The following TMEM63B variants were observed in gnomAD, a reference collection of about 807,000 sequenced individuals.
The protein encoded by TMEM63B is mechanosensitive cation channel TMEM63B.
In TMEM63B, 23 loss-of-function variants were observed where a neutral mutation model predicts 102.6. The observed-to-expected ratio is 0.22, with a 90% CI of 0.16 to 0.32. TMEM63B has a LOEUF of 0.32. Ranked by LOEUF, TMEM63B falls within the 10% of genes least tolerant of loss-of-function variation. The pLI is 1.00. For synonymous variants in TMEM63B, 444 were observed against 437.0 expected, an observed-to-expected ratio of 1.02 and a Z score of -0.20; for missense variants, 628 against 1,095.9, an observed-to-expected ratio of 0.57 and a Z score of 6.03.
chr6:44,127,451 A>G (rs916289775), upstream of TMEM63B: 1 of 151,404 alleles, frequency 6.6e-6, no homozygotes, highest in South Asian at 2.1e-4. Context: ...AGCCCGGCGG[A>G]CGCGATCTGA....
chr6:44,135,837 G>A (rs1365658516), intron 4 of TMEM63B, among the ~76,000 whole-genome samples: 1 of 152,208 alleles, frequency 6.6e-6, no homozygotes, highest in African/African-American at 2.4e-5. Flanking sequence ...TGTCATCTCT[G>A]TCTATAGGAT....
At chr6:44,135,180 T>C in intron 3 of TMEM63B, 84 bp downstream of exon 3, 1 of 1,583,376 alleles carries the variant, frequency 6.3e-7, no homozygotes, top group Non-Finnish European at 8.7e-7. Flanking sequence ...GCCAGCCCTC[T>C]CTCATTCCCC....
chr6:44,140,390 C>A, intron 9 of TMEM63B, 30 bp downstream of exon 9: 1 of 1,565,050 alleles, frequency 6.4e-7, no homozygotes. Flanking sequence ...GGTCCTGCCC[C>A]ATCCCCAGCC....
chr6:44,147,537 G>A (rs1259531820), intron 12 of TMEM63B, 37 bp downstream of exon 12: 1 of 1,609,668 alleles, frequency 6.2e-7, no homozygotes, highest in East Asian at 2.2e-5. Flanking sequence ...GGGAGAAGTT[G>A]GACAGGTCCT....
At chr6:44,139,422 C>T in intron 6 of TMEM63B, 45 bp from the exon 7 acceptor site, 1 of 1,605,394 alleles carries the variant, frequency 6.2e-7, no homozygotes, top group African/African-American at 1.3e-5. Context: ...CCCCTTCTTG[C>T]CCTGGTCCTA....
chr6:44,138,530 T>C lies in TMEM63B; in HGVS notation c.407+13T>C, dbSNP rs1763468280. On this transcript the variant is annotated intron_variant, in intron 6 of 23. Transcript: ENST00000323267. ...TCTTCAGGATAAAGTAAGTGGACCA[T>C]CTTCAAGCTCTAAAGAAAGAGAGAA... 4.3e-6 allele frequency: 7 copies of C among 1,613,966 alleles called. No homozygotes were observed. Among genetic ancestry groups the C allele is most frequent in the Middle Eastern group, 1.7e-4 (1 of 6,060 alleles).
At chr6:44,141,744 A>G (rs1402512193) in intron 10 of TMEM63B, among the ~76,000 whole-genome samples, 3 of 152,110 alleles carry the variant, frequency 2.0e-5, no homozygotes, top group Non-Finnish European at 2.9e-5. Flanking sequence ...GATTAGGGCT[A>G]CTCTCACACA....
chr6:44,146,028 C>T (rs1435821291), intron 10 of TMEM63B, among the ~76,000 whole-genome samples: 3 of 152,088 alleles, frequency 2.0e-5, no homozygotes, highest in Non-Finnish European at 4.4e-5. Context: ...TCAGTCTCAC[C>T]CTGGTCAGGG....
rs140864924 is a variant in TMEM63B at position 44,154,818 on chromosome 6, G to A, written c.2434G>A (p.Ala812Thr). 164 of 1,610,220 alleles carry A rather than the reference G, an allele frequency of 1.0e-4. No homozygotes were observed. The highest frequency in any genetic ancestry group is 1.3e-4 in the Non-Finnish European group (157 of 1,178,994). Residue 812 changes from alanine to threonine, a missense_variant, in exon 24 of 24, where the codon GCC (alanine) becomes ACC (threonine). By Grantham distance (58) the Ala-to-Thr change is moderately conservative (BLOSUM62 0). Transcript: ENST00000323267. Reference sequence around the variant, plus strand: ...TGAGGAGTTGCTGATGCCACCCGACGCCCTCACGGACACAGACTTCCAGTC... The same window carrying A: ...TGAGGAGTTGCTGATGCCACCCGACACCCTCACGGACACAGACTTCCAGTC... Reference protein sequence around the residue: ...QDEELLMPPDALTDTDFQSCE... With the variant: ...QDEELLMPPDTLTDTDFQSCE...
Position 44,151,939 on chromosome 6 carries a change from A to G in TMEM63B, c.1767A>G (p.Pro589=), listed in dbSNP as rs3734697. The G allele has an allele frequency of 0.11, 178,887 of 1,613,186 alleles. 11,021 individuals carry two copies. The highest frequency in any genetic ancestry group is 0.26 in the East Asian group (11,442 of 44,828). The change falls in exon 19 of 24, where the codon CCA becomes CCG. Residue 589 remains proline, a synonymous_variant. Transcript: ENST00000323267. ...ACGCCATGGACCTGCTGCGCATCCC[A>G]GGCCTGCTCATGTACATGATCCGGC... ...IGNAMDLLRI[P]GLLMYMIRLC...
At chr6:44,136,969 C>T (rs527456282) in intron 5 of TMEM63B, among the ~76,000 whole-genome samples, 6 of 152,326 alleles carry the variant, frequency 3.9e-5, no homozygotes, top group Non-Finnish European at 7.3e-5. Flanking sequence ...GGCGTGAACG[C>T]GGGAGGCGGA....
In TMEM63B at chr6:44,135,360, A is replaced by G. The variant is rs771736691; in HGVS notation, c.272A>G (p.Gln91Arg). 1 of 1,612,478 alleles carries G rather than the reference A, an allele frequency of 6.2e-7. No individual in the cohort carries two copies. Among genetic ancestry groups the G allele is most frequent in the East Asian group, 2.2e-5 (1 of 44,850 alleles). Residue 91 changes from glutamine (Q) to arginine (R), a missense_variant, in exon 4 of 24, where the codon CAG becomes CGG. Gln to Arg is a conservative substitution (Grantham distance 43). This residue lies in a region of TMEM63B where 336 missense variants were observed against 580.3 expected (regional missense o/e 0.58). Transcript: ENST00000323267. ...CGGCAGGAGAGGGACCGAGTGGAAC[A>G]GGAATAGTATGTGGGGCACCAGCCC... ...LRRQERDRVE[Q>R]EYVASAMHGD...
chr6:44,148,504 TC>T lies in TMEM63B; in HGVS notation c.1122-8del. ...GTGGGCCTGTGGTAACCAGTGCCCA[TC>T]TTTCTAGCATCCTGAAGGACTTCAA... is the stretch of plus-strand genomic sequence containing the variant. On this transcript the variant is annotated splice_region_variant and splice_polypyrimidine_tract_variant and intron_variant, in intron 13 of 23. Transcript: ENST00000323267. The surrounding 1 kb of genome is among the most constrained non-coding windows in gnomAD (Gnocchi z 5.1). 1 of 1,613,844 alleles carries T rather than the reference TC, an allele frequency of 6.2e-7. No individual in the cohort carries two copies. Among genetic ancestry groups the T allele is most frequent in the East Asian group, 2.2e-5 (1 of 44,876 alleles).
chr6:44,152,317 T>A lies in TMEM63B; in HGVS notation c.1837-276T>A, dbSNP rs1766865245. Among the ~76,000 whole-genome samples, 1 of 151,960 alleles carries A rather than the reference T, an allele frequency of 6.6e-6. No individual in the cohort carries two copies. The highest frequency in any genetic ancestry group is 2.4e-5 in the African/African-American group (1 of 41,432). ...AATAAGAGGGCTCTGGGCATCCCAC[T>A]CTCAAGTCCACCCAACTCTTGCCCC... On this transcript the variant is annotated intron_variant, in intron 19 of 23. Transcript: ENST00000323267. This position sits in a 1 kb window ranked among gnomAD's most constrained non-coding sequence, Gnocchi z 6.4.
Position 44,135,379 on chromosome 6 carries a change from C to T in TMEM63B, c.278+13C>T, listed in dbSNP as rs1762732601. 1 of 1,607,750 alleles carries T rather than the reference C, an allele frequency of 6.2e-7. No homozygotes were observed. Among genetic ancestry groups the T allele is most frequent in the Admixed American group, 1.7e-5 (1 of 59,604 alleles). On this transcript the variant is annotated intron_variant, in intron 4 of 23. Transcript: ENST00000323267. ...TGGAACAGGAATAGTATGTGGGGCA[C>T]CAGCCCCCTCATTCCCACTAAACCA...
rs374498822 is a variant in TMEM63B at position 44,139,730 on chromosome 6, G to A, written c.573G>A (p.Gly191=). The A allele has an allele frequency of 1.5e-5, 25 of 1,614,054 alleles. No individual in the cohort carries two copies. The highest frequency in any genetic ancestry group is 2.0e-5 in the Non-Finnish European group (24 of 1,180,052). ...CAGAGAACAATGCCTACAGCTTTGG[G>A]AGAACCACCATTGCCAACTTGAAAT... ...DLLENNAYSF[G]RTTIANLKSG... Residue 191 remains glycine, a synonymous_variant, in exon 8 of 24, where the codon GGG becomes GGA. Coordinates refer to ENST00000323267, the MANE Select transcript of TMEM63B (RefSeq NM_018426.3).
intron 4 of TMEM63B, 61 bp downstream of exon 4, chr6:44,135,427 G>A (rs2042365452): frequency 2.0e-5 from 31 of 1,553,398 alleles, no homozygotes; most frequent in Admixed American, 7.5e-5. Flanking sequence ...CTTCTCTCAC[G>A]CTTCTCTTCT....
chr6:44,154,523 A>C, intron 23 of TMEM63B, 78 bp downstream of exon 23: 1 of 1,583,110 alleles, frequency 6.3e-7, no homozygotes, highest in Non-Finnish European at 8.7e-7. Flanking sequence ...TCCTGCAGAA[A>C]GGGGAACCTG....
Position 44,148,114 on chromosome 6 carries a change from C to G in TMEM63B, c.988-138C>G. ...CTCCAGCCTGGGCATCAGAGCGAGA[C>G]GCTGTTTCCAAAAAAAAAAAAATGC... On this transcript the variant is annotated intron_variant, in intron 12 of 23. Transcript: ENST00000323267. The surrounding 1 kb of genome is among the most constrained non-coding windows in gnomAD (Gnocchi z 5.1). The G allele has an allele frequency of 7.7e-7, 1 of 1,297,630 alleles. No individual in the cohort carries two copies. Among genetic ancestry groups the G allele is most frequent in the African/African-American group, 1.5e-5 (1 of 67,124 alleles). The allele number at this position is 1,297,630 out of a possible 1,614,324, so 80.4% of individuals were successfully genotyped here. A position where few individuals can be genotyped will look rare whatever the true frequency, so the allele number is the denominator to read the frequency against.
Sources: gnomAD v4.1 joint callset for allele counts (sites outside exome capture counted in the v4.1 genomes callset) on GRCh38, gnomAD v4.1.1 for gene constraint, gnomAD v4.1.1 regional missense constraint, Gnocchi (gnomAD v3.1) non-coding constraint, MANE v1.5 for transcripts, NCBI Gene and HGNC (gene_info 2026-07-23, HGNC 2026-07-21) for gene names.